The following GOLM2 variants were observed in gnomAD, a reference collection of about 807,000 sequenced individuals.
GOLM2 encodes the protein golgi membrane protein 2, also known as protein GOLM2.
GOLM2 carries 26 observed loss-of-function variants against 55.9 expected under a neutral mutation model. The ratio of observed to expected loss-of-function variants is 0.47; its 90% CI spans 0.34 to 0.65. The LOEUF (loss-of-function observed/expected upper bound fraction) is 0.65, where lower values mean the gene tolerates loss of function less well. Ranked by LOEUF, GOLM2 falls within the 30% of genes least tolerant of loss-of-function variation. GOLM2 has a pLI of 0.01. For synonymous variants in GOLM2, 165 were observed against 194.6 expected, an observed-to-expected ratio of 0.85 and a Z score of 1.27; for missense variants, 486 against 531.8, an observed-to-expected ratio of 0.91 and a Z score of 0.85.
rs76219547 is a variant in GOLM2 at position 44,354,823 on chromosome 15, T to G, written c.802+16506T>G. 1,512 of 171,372 alleles carry G rather than the reference T, an allele frequency of 8.8e-3. 21 individuals carry two copies. Among genetic ancestry groups the G allele is most frequent in the African/African-American group, 0.033 (1,402 of 42,268 alleles). 10.6% of individuals were successfully genotyped at this position (171,372 alleles called of 1,614,324 possible). A position where few individuals can be genotyped will look rare whatever the true frequency, so the allele number is the denominator to read the frequency against. ...CCCTTCACTGACTCCAGCTACATGG[T>G]CTACATGTTCCAGTATGATTCCACC... On this transcript the variant is annotated intron_variant, in intron 6 of 9. Transcript: ENST00000299957.
chr15:44,325,819 T>C (rs1393789816), intron 2 of GOLM2, among the ~76,000 whole-genome samples: 1 of 152,216 alleles, frequency 6.6e-6, no homozygotes, highest in Non-Finnish European at 1.5e-5. Flanking sequence ...CTGGTACCTC[T>C]GGCCTGCTGT....
At chr15:44,376,734 A>G (rs1006833013) in intron 6 of GOLM2, among the ~76,000 whole-genome samples, 13 of 152,138 alleles carry the variant, frequency 8.5e-5, no homozygotes, top group Non-Finnish European at 1.5e-4. Context: ...TTTCTAGATC[A>G]TCGTTTGTTT....
chr15:44,329,383 T>C (rs2079006500), intron 3 of GOLM2, among the ~76,000 whole-genome samples: 1 of 152,228 alleles, frequency 6.6e-6, no homozygotes, highest in Non-Finnish European at 1.5e-5. Flanking sequence ...AAGCATTTTG[T>C]GTCCATTTCT....
intron 1 of GOLM2, among the ~76,000 whole-genome samples, chr15:44,301,690 A>C (rs2078798774): frequency 6.6e-6 from 1 of 152,162 alleles, no homozygotes; most frequent in Non-Finnish European, 1.5e-5. Flanking sequence ...GAGGCTCAGG[A>C]GAGATGAAAA....
At chr15:44,330,739 A>AAAAAAATAAATAAAAAATAAAT (rs1161669101) in intron 3 of GOLM2, among the ~76,000 whole-genome samples, 1 of 151,980 alleles carries the variant, frequency 6.6e-6, no homozygotes, top group African/African-American at 2.4e-5. Flanking sequence ...AAAAATAAAT[A>AAAAAAATAAATAAAAAATAAAT]AAAAAATAAA....
intron 6 of GOLM2, among the ~76,000 whole-genome samples, chr15:44,353,932 A>G (rs2079181199): frequency 6.6e-6 from 1 of 152,134 alleles, no homozygotes; most frequent in South Asian, 2.1e-4. Flanking sequence ...AAAGAGTATA[A>G]TTGGGTTTTA....
rs1353216654 is a variant in GOLM2, at chr15:44,373,465, AAC to A, written c.803-6223_803-6222del. On this transcript the variant is annotated intron_variant, in intron 6 of 9. Coordinates refer to ENST00000299957, the MANE Select transcript of GOLM2 (RefSeq NM_138423.4). Reference sequence around the variant, plus strand: ...GAGCGAGACTCCGTCTCAAAAAAAAAACAGTTTTGGCAGGGCACAGTGGCTCG... The same window carrying A: ...GAGCGAGACTCCGTCTCAAAAAAAAAAGTTTTGGCAGGGCACAGTGGCTCG... Among the ~76,000 whole-genome samples the A allele has an allele frequency of 1.2e-4, 17 of 139,204 alleles. 1 individual carries two copies. The highest frequency in any genetic ancestry group is 4.7e-5 in the Non-Finnish European group (3 of 64,500). The allele number at this position is 139,204 out of a possible 152,430, so 91.3% of individuals were successfully genotyped here. A position where few individuals can be genotyped will look rare whatever the true frequency, so the allele number is the denominator to read the frequency against.
intron 1 of GOLM2, among the ~76,000 whole-genome samples, chr15:44,292,775 T>A (rs903620319): frequency 2.0e-5 from 3 of 152,168 alleles, no homozygotes; most frequent in African/African-American, 7.2e-5. Flanking sequence ...GGTCTCTGTA[T>A]TTTAAACTTA....
At chr15:44,290,573 A>C (rs956856372) in intron 1 of GOLM2, among the ~76,000 whole-genome samples, 6 of 152,114 alleles carry the variant, frequency 3.9e-5, no homozygotes, top group Non-Finnish European at 8.8e-5. Flanking sequence ...GAATCAGTAC[A>C]TTTATATGTG....
At chr15:44,318,183 A>G (rs913070686) in intron 1 of GOLM2, among the ~76,000 whole-genome samples, 3 of 152,166 alleles carry the variant, frequency 2.0e-5, no homozygotes, top group African/African-American at 7.2e-5. Context: ...CATGTAATTC[A>G]TATATCATAA....
chr15:44,311,101 A>G (rs1257024457), intron 1 of GOLM2, among the ~76,000 whole-genome samples: 1 of 152,214 alleles, frequency 6.6e-6, no homozygotes, highest in Non-Finnish European at 1.5e-5. Flanking sequence ...ATATGACTAA[A>G]GAATATGGAT....
intron 6 of GOLM2, among the ~76,000 whole-genome samples, chr15:44,373,878 A>G (rs1179194244): frequency 6.6e-6 from 1 of 151,756 alleles, no homozygotes; most frequent in Non-Finnish European, 1.5e-5. Context: ...AGATGGGCGA[A>G]TCACTTGAGG....
At chr15:44,337,275 G>T (rs1175349306) in intron 4 of GOLM2, among the ~76,000 whole-genome samples, 2 of 152,040 alleles carry the variant, frequency 1.3e-5, no homozygotes, top group African/African-American at 4.8e-5. Flanking sequence ...ACTACTTGCT[G>T]TGTTTCGGTG....
chr15:44,351,484 G>A (rs534971407), intron 6 of GOLM2, among the ~76,000 whole-genome samples: 1 of 151,122 alleles, frequency 6.6e-6, no homozygotes, highest in Non-Finnish European at 1.5e-5. Flanking sequence ...GGATGAGGCA[G>A]GAGAATGGCG....
chr15:44,328,779 A>C lies in GOLM2; in HGVS notation c.477A>C (p.Glu159Asp). ...KNNTYLVKRLEYESFQCGQQM... is the reference protein window; with the variant it reads ...KNNTYLVKRLDYESFQCGQQM... ...ATACTTACCTTGTGAAGAGGTTAGA[A>C]TATGAAAGGTAAGATGTTACATGCA... is the stretch of plus-strand genomic sequence containing the variant. The change falls in exon 3 of 10, where the codon GAA (glutamate) becomes GAC (aspartate). Residue 159 changes from glutamate to aspartate, a missense_variant. By Grantham distance (45) the Glu-to-Asp change is conservative. Coordinates refer to ENST00000299957, the MANE Select transcript of GOLM2 (RefSeq NM_138423.4). 5 of 1,597,252 alleles carry C rather than the reference A, an allele frequency of 3.1e-6. No homozygotes were observed. Among genetic ancestry groups the C allele is most frequent in the Non-Finnish European group, 4.3e-6 (5 of 1,171,126 alleles).
chr15:44,301,391 A>G (rs1439918442), intron 1 of GOLM2, among the ~76,000 whole-genome samples: 1 of 152,228 alleles, frequency 6.6e-6, no homozygotes, highest in Non-Finnish European at 1.5e-5. Flanking sequence ...ATGTTTACAT[A>G]TGCTGTGCTT....
rs1263746983 is a variant in GOLM2 at position 44,331,847 on chromosome 15, A to G, written c.486-141A>G. 2.9e-5 allele frequency: 17 copies of G among 587,622 alleles called. No individual in the cohort carries two copies. In the South Asian group the frequency reaches 3.5e-4, roughly 12 times the overall value. 36.4% of individuals were successfully genotyped at this position (587,622 alleles called of 1,614,324 possible). On this transcript the variant is annotated intron_variant, in intron 3 of 9. Coordinates refer to ENST00000299957, the MANE Select transcript of GOLM2 (RefSeq NM_138423.4). ...ATTTTAAAAGTTTTGATTGTGAGCTATTTGTATGCTCTGTTTTTTCCAGCC... is the reference window on the plus strand; with the variant it reads ...ATTTTAAAAGTTTTGATTGTGAGCTGTTTGTATGCTCTGTTTTTTCCAGCC...
At chr15:44,372,548 G>A (rs115289704) in intron 6 of GOLM2, among the ~76,000 whole-genome samples, 329 of 152,232 alleles carry the variant, frequency 2.2e-3, no homozygotes, top group African/African-American at 7.5e-3. Context: ...CTTTAGAAAT[G>A]TTTACTCTGA....
intron 6 of GOLM2, among the ~76,000 whole-genome samples, chr15:44,339,753 G>C (rs2079079135): frequency 6.6e-6 from 1 of 151,962 alleles, no homozygotes; most frequent in South Asian, 2.1e-4. Context: ...ATCCACCTCA[G>C]CTTCCTGAAT....
Sources: allele counts gnomAD v4.1 joint callset (sites outside exome capture counted in the v4.1 genomes callset), GRCh38; gene constraint gnomAD v4.1.1; transcripts MANE v1.5; gene names NCBI Gene and HGNC (gene_info 2026-07-23, HGNC 2026-07-21).